PARP9: variants seen among roughly 807,000 people sequenced by gnomAD.
The protein encoded by PARP9 is poly(ADP-ribose) polymerase family member 9, also known as protein mono-ADP-ribosyltransferase PARP9.
Under a neutral mutation model 68.8 loss-of-function variants are expected in PARP9, and 48 were observed. That is an observed-to-expected ratio of 0.70 (90% CI 0.55 to 0.89). PARP9 has a LOEUF of 0.89. Ranked by LOEUF, PARP9 falls within the 40% of genes least tolerant of loss-of-function variation. PARP9 has a pLI of 0.00. For synonymous variants in PARP9, 309 were observed against 333.8 expected (o/e 0.93, Z 0.81); for missense variants, 806 against 969.3 (o/e 0.83, Z 2.24).
intron 4 of PARP9, among the ~76,000 whole-genome samples, chr3:122,553,524 A>G (rs942840346): frequency 6.6e-6 from 1 of 152,242 alleles, no homozygotes; most frequent in Non-Finnish European, 1.5e-5. Flanking sequence ...GGCAATAAAT[A>G]TACCTTAAAA....
intron 3 of PARP9, among the ~76,000 whole-genome samples, chr3:122,556,467 C>A (rs759360513): frequency 6.6e-6 from 1 of 151,978 alleles, no homozygotes; most frequent in African/African-American, 2.4e-5. Flanking sequence ...ATAAAAGTGG[C>A]GAGCTTAGAA....
At chr3:122,535,843 CAAAAA>C (rs10716375) in intron 10 of PARP9, 590 of 976,504 alleles carry the variant, frequency 6.0e-4, no homozygotes, top group East Asian at 2.8e-3. Flanking sequence ...ATAAGTAAGG[CAAAAA>C]AAAAAAAAAA....
In PARP9 at chr3:122,556,073, T is replaced by C. The variant is rs886682574; in HGVS notation, c.98A>G (p.His33Arg). Residue 33 changes from histidine (H) to arginine (R), a missense_variant, in exon 4 of 11, where the codon CAC becomes CGC. Coordinates refer to ENST00000682323, the MANE Select transcript of PARP9 (RefSeq NM_001146105.2). The stretch of plus-strand genomic sequence containing the variant: ...ATTTTTTAAAATTTTGAAGTCATTG[T>C]GGTTAATGGGAATTTGCCAACTATA... ...ENYSWQIPIN[H>R]NDFKILKNNE... 6.2e-7 allele frequency: 1 copy of C among 1,607,000 alleles called. No individual in the cohort carries two copies. Among genetic ancestry groups the C allele is most frequent in the Non-Finnish European group, 8.5e-7 (1 of 1,178,778 alleles).
rs754430564 is a variant in PARP9 at position 122,540,703 on chromosome 3, C to T, written c.1534G>A (p.Glu512Lys). The change falls in exon 8 of 11, where the codon GAG becomes AAG. Residue 512 changes from glutamate to lysine, a missense_variant. By Grantham distance (56) the Glu-to-Lys change is moderately conservative (BLOSUM62 1). Coordinates refer to ENST00000682323, the MANE Select transcript of PARP9 (RefSeq NM_001146105.2). ...ILSLQNHHII[E>K]NNHILYLGRK... Reference sequence around the variant, plus strand: ...CCAAGGTACAGAATATGATTATTCTCAATGATGTGGTGGTTCTGGAGACTC... The same window carrying T: ...CCAAGGTACAGAATATGATTATTCTTAATGATGTGGTGGTTCTGGAGACTC... 2 of 1,614,096 alleles carry T rather than the reference C, an allele frequency of 1.2e-6. No individual in the cohort carries two copies. The highest frequency in any genetic ancestry group is 1.7e-6 in the Non-Finnish European group (2 of 1,180,024).
Position 122,556,138 on chromosome 3 carries a change from GATTAAAAA to G in PARP9, c.50-25_50-18del. On this transcript the variant is annotated intron_variant, in intron 3 of 10. Coordinates refer to ENST00000682323, the MANE Select transcript of PARP9 (RefSeq NM_001146105.2). ...CACCAGTCTCTGGAAAAGAAGAGAA[GATTAAAAA>G]AAAAAAAAAAAAAAAAAAAAAAAAA... The G allele has an allele frequency of 1.2e-5, 1 of 80,032 alleles. No homozygotes were observed. Among genetic ancestry groups the G allele is most frequent in the East Asian group, 1.5e-4 (1 of 6,644 alleles). 5.0% of individuals were successfully genotyped at this position (80,032 alleles called of 1,614,324 possible). A position where few individuals can be genotyped will look rare whatever the true frequency, so the allele number is the denominator to read the frequency against.
In PARP9 at chr3:122,545,533, T is replaced by C. The variant is rs760269676; in HGVS notation, c.1327-44A>G. The C allele has an allele frequency of 1.0e-5, 16 of 1,590,870 alleles. No homozygotes were observed. In the South Asian group the frequency reaches 1.3e-4, roughly 13 times the overall value. Reference sequence around the variant, plus strand: ...AGCAGAGAGTCATAAGCAGGGCTGATAGCCATTGTCATCAAAGTCTCCCTC... The same window carrying C: ...AGCAGAGAGTCATAAGCAGGGCTGACAGCCATTGTCATCAAAGTCTCCCTC... On this transcript the variant is annotated intron_variant, in intron 6 of 10. Coordinates refer to ENST00000682323, the MANE Select transcript of PARP9 (RefSeq NM_001146105.2).
At chr3:122,550,827 T>A in intron 5 of PARP9, 25 bp from the exon 6 acceptor site, 1 of 1,589,102 alleles carries the variant, frequency 6.3e-7, no homozygotes, top group Admixed American at 1.7e-5. Flanking sequence ...AAATTTAAGA[T>A]CAGCATTTGA....
intron 10 of PARP9, chr3:122,534,870 C>T (rs1273759274): frequency 1.6e-5 from 15 of 919,552 alleles, no homozygotes; most frequent in African/African-American, 1.3e-4. Flanking sequence ...AGCAAGACTC[C>T]GTCTCAGAAA....
chr3:122,561,454 T>A (rs1488275594), intron 1 of PARP9, among the ~76,000 whole-genome samples: 1 of 142,894 alleles, frequency 7.0e-6, no homozygotes, highest in Non-Finnish European at 1.6e-5. Context: ...TGAGACCCTG[T>A]CTCAAAAAAA....
chr3:122,540,785 C>T lies in PARP9; in HGVS notation c.1452G>A (p.Leu484=), dbSNP rs773484894. ...ACATCTCTTCCACGTTGAATCCCAT[C>T]AGATTGATGGCAGGAGATCTAGCTT... ...GLEARSPAIN[L]MGFNVEEMYE... is the part of the protein sequence containing the mutation. Residue 484 remains leucine, a synonymous_variant, in exon 8 of 11, where the codon CTG becomes CTA. Transcript: ENST00000682323. 1.2e-6 allele frequency: 2 copies of T among 1,614,122 alleles called. No individual in the cohort carries two copies. Among genetic ancestry groups the T allele is most frequent in the African/African-American group, 1.3e-5 (1 of 75,028 alleles).
At chr3:122,553,803 G>A (rs1395629931) in intron 4 of PARP9, among the ~76,000 whole-genome samples, 1 of 152,066 alleles carries the variant, frequency 6.6e-6, no homozygotes, top group East Asian at 1.9e-4. Flanking sequence ...CCTCTGTTGT[G>A]GTGCCTTCTC....
At chr3:122,531,893 G>A (rs1472969152) in intron 10 of PARP9, 6 of 152,290 alleles carry the variant, frequency 3.9e-5, no homozygotes, top group African/African-American at 1.4e-4. Flanking sequence ...TCTTCCAGCT[G>A]GTGGGAAAAG....
intron 4 of PARP9, among the ~76,000 whole-genome samples, chr3:122,554,010 A>G (rs1402505804): frequency 2.0e-5 from 3 of 152,078 alleles, no homozygotes; most frequent in Admixed American, 6.6e-5. Flanking sequence ...CCCTGCCAGC[A>G]TCCTCACCTT....
intron 8 of PARP9, among the ~76,000 whole-genome samples, chr3:122,538,168 A>G (rs556584634): frequency 3.2e-4 from 48 of 152,334 alleles, no homozygotes; most frequent in East Asian, 1.7e-3. Context: ...CTACAACAGA[A>G]GACTGTAAAT....
Position 122,559,598 on chromosome 3 carries a change from C to G in PARP9, c.15+8G>C, listed in dbSNP as rs748842285. 36 of 1,590,058 alleles carry G rather than the reference C, an allele frequency of 2.3e-5. No individual in the cohort carries two copies. The highest frequency in any genetic ancestry group is 2.8e-5 in the Non-Finnish European group (33 of 1,168,280). Reference sequence around the variant, plus strand: ...GGTTCATGACGTATACACATTTATGCTTTTTACCATGGAAAAGTCCATCCT... The same window carrying G: ...GGTTCATGACGTATACACATTTATGGTTTTTACCATGGAAAAGTCCATCCT... On this transcript the variant is annotated splice_region_variant and intron_variant, in intron 2 of 10. Transcript: ENST00000682323.
At position 122,552,620 on chromosome 3, in the gene PARP9, G is replaced by A; in HGVS notation, c.905C>T (p.Ser302Phe). Residue 302 changes from serine to phenylalanine, a missense_variant, in exon 5 of 11, where the codon TCT (serine) becomes TTT (phenylalanine). Ser to Phe is a radical substitution (Grantham distance 155). Around this residue, in one of 2 missense-constraint regions of PARP9, gnomAD observed 680 missense variants for 858.8 expected, o/e 0.79. Transcript: ENST00000682323. The stretch of plus-strand genomic sequence containing the variant: ...AACTGTAATATCATGTGGGTTTACA[G>A]AATTAACAATTACATCTGCCTGAAA... ...EWQTADVIVNSVNPHDITVGP... is the reference protein window; with the variant it reads ...EWQTADVIVNFVNPHDITVGP... 6.2e-7 allele frequency: 1 copy of A among 1,610,966 alleles called. No individual in the cohort carries two copies. The highest frequency in any genetic ancestry group is 1.7e-5 in the Admixed American group (1 of 59,988).
intron 2 of PARP9, 54 bp downstream of exon 2, chr3:122,559,552 A>G: frequency 6.6e-7 from 1 of 1,518,776 alleles, no homozygotes; most frequent in South Asian, 1.4e-5. Flanking sequence ...TTATATAAAG[A>G]AGTATTCATG....
At chr3:122,531,411 C>T (rs1182063908) in intron 10 of PARP9, among the ~76,000 whole-genome samples, 2 of 152,002 alleles carry the variant, frequency 1.3e-5, no homozygotes, top group Non-Finnish European at 2.9e-5. Flanking sequence ...TTATTAAGGG[C>T]GAAAAGGATA....
chr3:122,534,160 CA>C, intron 10 of PARP9: 1 of 811,198 alleles, frequency 1.2e-6, no homozygotes, highest in Non-Finnish European at 1.5e-6. Flanking sequence ...TATATGGAGA[CA>C]AGATCTGTGG....
Sources: gnomAD v4.1 joint callset for allele counts (sites outside exome capture counted in the v4.1 genomes callset) on GRCh38, gnomAD v4.1.1 for gene constraint, gnomAD v4.1.1 regional missense constraint, MANE v1.5 for transcripts, NCBI Gene and HGNC (gene_info 2026-07-23, HGNC 2026-07-21) for gene names.